The following ERP27 variants were observed in gnomAD, a reference collection of about 807,000 sequenced individuals.
ERP27 encodes the protein endoplasmic reticulum resident protein 27.
In ERP27, 23 loss-of-function variants were observed where a neutral mutation model predicts 27.7. The observed-to-expected ratio is 0.83, with a 90% confidence interval of 0.60 to 1.18. The LOEUF is 1.18. ERP27 is among the 50% of genes most tolerant of loss of function. ERP27 has a pLI of 0.00. For missense variants in ERP27, 363 were observed against 327.9 expected (o/e 1.11, Z -0.83); for synonymous variants, 159 against 118.3 (o/e 1.34, Z -2.23).
intron 5 of ERP27, 110 bp from the exon 6 acceptor site, chr12:14,915,796 C>T: frequency 3.2e-6 from 3 of 952,328 alleles, no homozygotes; most frequent in Non-Finnish European, 3.1e-6. Context: ...ATGGTCTGCA[C>T]CATGAAATTG....
At chr12:14,915,456 A>G (rs1404690167) in intron 6 of ERP27, 33 bp downstream of exon 6, 2 of 1,598,996 alleles carry the variant, frequency 1.3e-6, no homozygotes, top group African/African-American at 2.7e-5. Flanking sequence ...ATAGAAAGAA[A>G]ACAATTTGCT....
intron 5 of ERP27, among the ~76,000 whole-genome samples, chr12:14,916,180 A>T (rs867194408): frequency 1.2e-4 from 18 of 152,372 alleles, no homozygotes; most frequent in Admixed American, 7.2e-4. Context: ...AAGTTAAAAA[A>T]AATGAATTTC....
chr12:14,914,747 C>T lies in ERP27; in HGVS notation c.810G>A (p.Lys270=). Residue 270 remains lysine (K), a synonymous_variant, in exon 7 of 7, where the codon AAG becomes AAA. Coordinates refer to ENST00000266397, the MANE Select transcript of ERP27 (RefSeq NM_152321.4). ...TTCCAAGGAGAAGTCAGAGTTCCAC[C>T]TTTGGAGTCTTTCCTTCTGATTCAC... The part of the protein sequence containing the change: ...ENRESEGKTP[K]VEL 1 of 1,613,682 alleles carries T rather than the reference C, an allele frequency of 6.2e-7. No homozygotes were observed. Among genetic ancestry groups the T allele is most frequent in the Non-Finnish European group, 8.5e-7 (1 of 1,179,792 alleles).
intron 2 of ERP27, among the ~76,000 whole-genome samples, chr12:14,937,205 T>C (rs903465166): frequency 6.6e-6 from 1 of 152,148 alleles, no homozygotes; most frequent in African/African-American, 2.4e-5. Flanking sequence ...GATTTCCAAC[T>C]GTGTACGCAG....
At chr12:14,938,389 G>A (rs1863803845) in intron 1 of ERP27, 26 bp downstream of exon 1, 1 of 1,608,068 alleles carries the variant, frequency 6.2e-7, no homozygotes, top group Admixed American at 1.7e-5. Context: ...TCACACTATA[G>A]CCACCCAACT....
chr12:14,931,905 G>A (rs1288960260), intron 3 of ERP27, among the ~76,000 whole-genome samples: 9 of 151,970 alleles, frequency 5.9e-5, no homozygotes, highest in Admixed American at 5.9e-4. Flanking sequence ...TGGTTCAATG[G>A]CAACACGAAA....
intron 3 of ERP27, among the ~76,000 whole-genome samples, chr12:14,929,287 A>T (rs1380656470): frequency 6.6e-6 from 1 of 152,246 alleles, no homozygotes; most frequent in Non-Finnish European, 1.5e-5. Context: ...ACATTCTCTA[A>T]GAAGCAAAAG....
chr12:14,928,816 C>A, intron 3 of ERP27: 1 of 890,164 alleles, frequency 1.1e-6, no homozygotes, highest in Non-Finnish European at 1.7e-6. Flanking sequence ...TAGGTAGATC[C>A]TTGCCCACCC....
intron 3 of ERP27, among the ~76,000 whole-genome samples, chr12:14,921,693 A>C (rs990916934): frequency 3.9e-5 from 6 of 152,248 alleles, no homozygotes; most frequent in African/African-American, 1.4e-4. Context: ...AAATTATCAC[A>C]GAGAAAACTA....
At chr12:14,926,213 T>C (rs983054412) in intron 3 of ERP27, among the ~76,000 whole-genome samples, 2 of 152,256 alleles carry the variant, frequency 1.3e-5, no homozygotes, top group Admixed American at 1.3e-4. Flanking sequence ...GTCTGGCAAA[T>C]TGAAACTGTC....
rs73061050 is a variant in ERP27, at chr12:14,932,422, T to G, written c.333+2434A>C. Among the ~76,000 whole-genome samples the G allele has an allele frequency of 6.0e-3, 914 of 152,198 alleles. 3 individuals carry two copies. The highest frequency in any genetic ancestry group is 0.01 in the Non-Finnish European group (695 of 67,988). On this transcript the variant is annotated intron_variant, in intron 3 of 6. Transcript: ENST00000266397. ...GGACCCTTGGCGGGTGGTGGCATTC[T>G]AGACAGAAGGAATAGTCTAGGCAAA...
intron 3 of ERP27, among the ~76,000 whole-genome samples, chr12:14,928,391 G>C (rs954869395): frequency 2.6e-5 from 4 of 152,070 alleles, no homozygotes; most frequent in African/African-American, 9.7e-5. Context: ...TCTTCAAGAG[G>C]GTCTCCCATT....
chr12:14,932,669 T>G (rs931572039), intron 3 of ERP27, among the ~76,000 whole-genome samples: 33 of 152,346 alleles, frequency 2.2e-4, no homozygotes, highest in African/African-American at 7.5e-4. Context: ...CTTAAATACA[T>G]CATTGTGATA....
At chr12:14,937,704 C>T (rs915564319) in intron 2 of ERP27, among the ~76,000 whole-genome samples, 8 of 152,140 alleles carry the variant, frequency 5.3e-5, no homozygotes, top group Admixed American at 2.6e-4. Flanking sequence ...TCAAAGCATC[C>T]ATAGATGAGG....
In ERP27 at chr12:14,920,472, A is replaced by G. The variant is rs573394200; in HGVS notation, c.450+460T>C. 4.6e-5 allele frequency among the ~76,000 whole-genome samples: 7 copies of G among 152,282 alleles called. No individual in the cohort carries two copies. The South Asian group carries it at 1.5e-3, about 32-fold the overall frequency. On this transcript the variant is annotated intron_variant, in intron 4 of 6. Transcript: ENST00000266397. ...TATGTGATCAGTGAGCTTCATTTAA[A>G]ATTTTTTTGTTTGTCTTTCATTTAT...
chr12:14,936,688 A>G (rs1333584957), intron 2 of ERP27, among the ~76,000 whole-genome samples: 1 of 152,094 alleles, frequency 6.6e-6, no homozygotes. Flanking sequence ...GTGATAGTGC[A>G]TGAGTCACAA....
chr12:14,931,628 A>G (rs1038739693), intron 3 of ERP27, among the ~76,000 whole-genome samples: 5 of 152,210 alleles, frequency 3.3e-5, no homozygotes, highest in African/African-American at 1.2e-4. Flanking sequence ...CAAAAAACAG[A>G]TGTTAAAGAA....
At position 14,914,558 on chromosome 12, in the gene ERP27, C is replaced by CTGTG. The variant is rs10699558; in HGVS notation, c.*173_*176dup. On this transcript the variant is annotated 3_prime_UTR_variant, in exon 7 of 7. Coordinates refer to ENST00000266397, the MANE Select transcript of ERP27 (RefSeq NM_152321.4). Reference sequence around the variant, plus strand: ...AGATTTTAAGACAGGAAATGAAGCTCTGTGTGTGTGTGTGTGTGTGCGTGT... The same window carrying CTGTG: ...AGATTTTAAGACAGGAAATGAAGCTCTGTGTGTGTGTGTGTGTGTGTGTGCGTGT... 169 of 352,712 alleles carry CTGTG rather than the reference C, an allele frequency of 4.8e-4. No individual in the cohort carries two copies. Among genetic ancestry groups the CTGTG allele is most frequent in the East Asian group, 2.0e-3 (41 of 20,974 alleles). 21.8% of individuals were successfully genotyped at this position (352,712 alleles called of 1,614,324 possible).
intron 3 of ERP27, among the ~76,000 whole-genome samples, chr12:14,923,070 T>C (rs1421341566): frequency 6.0e-5 from 5 of 83,144 alleles, no homozygotes; most frequent in Admixed American, 1.1e-4. Flanking sequence ...TGGAACTCTG[T>C]CTCAAAAAAA....
Sources: gnomAD v4.1 joint callset for allele counts (sites outside exome capture counted in the v4.1 genomes callset) on GRCh38, gnomAD v4.1.1 for gene constraint, MANE v1.5 for transcripts, NCBI Gene and HGNC (gene_info 2026-07-23, HGNC 2026-07-21) for gene names.